TENM3: variants seen among roughly 807,000 people sequenced by gnomAD.
The protein encoded by TENM3 is teneurin transmembrane protein 3.
TENM3 carries 63 observed loss-of-function variants against 255.1 expected under a neutral mutation model. The observed-to-expected ratio is 0.25, with a 90% CI of 0.20 to 0.30. TENM3 has a LOEUF of 0.30. Among genes scored for constraint, TENM3 ranks in the 10% least tolerant of loss-of-function variants. The pLI, the probability that TENM3 is intolerant of heterozygous loss-of-function variation, is 1.00. For synonymous variants in TENM3, 1,306 were observed against 1,322.3 expected, an observed-to-expected ratio of 0.99 and a Z score of 0.27; for missense variants, 2,929 against 3,461.1, an observed-to-expected ratio of 0.85 and a Z score of 3.86.
At chr4:181,819,074 G>T in the TENM3 span, among the ~76,000 whole-genome samples, 1 of 152,084 alleles carries the variant, frequency 6.6e-6, no homozygotes, top group Non-Finnish European at 1.5e-5. Flanking sequence ...GCCCATGAAG[G>T]TGAGCCCCGA....
chr4:182,744,050 A>G (rs1277281135), intron 19 of TENM3: 6 of 754,566 alleles, frequency 8.0e-6, no homozygotes, highest in African/African-American at 5.9e-5. Context: ...AAATCTCAGA[A>G]TTCAACTCAT....
At chr4:182,101,910 G>T in the TENM3 span, among the ~76,000 whole-genome samples, 1 of 152,000 alleles carries the variant, frequency 6.6e-6, no homozygotes, top group Non-Finnish European at 1.5e-5. Context: ...ATTATTTGTC[G>T]ATTAAAAATG....
At position 182,628,677 on chromosome 4, in the gene TENM3, G is replaced by A; in HGVS notation, c.776G>A (p.Gly259Asp). 7.5e-6 allele frequency: 12 copies of A among 1,597,436 alleles called. No homozygotes were observed. Among genetic ancestry groups the A allele is most frequent in the Non-Finnish European group, 1.0e-5 (12 of 1,171,214 alleles). The change falls in exon 5 of 28, where the codon GGT becomes GAT. Residue 259 changes from glycine to aspartate, a missense_variant. Physicochemically the swap from Gly to Asp is moderately conservative, Grantham distance 94. Transcript: ENST00000511685. ...CATTTCCTATTCAAAACAGGAACAG[G>A]TACAACGCCACTGTTCAGTACTGCA... ...SRHFLFKTGT[G>D]TTPLFSTATP...
At chr4:181,746,939 A>G in the TENM3 span, among the ~76,000 whole-genome samples, 1 of 152,012 alleles carries the variant, frequency 6.6e-6, no homozygotes, top group East Asian at 1.9e-4. Context: ...CCCTTTGGTC[A>G]TTTCCAATTA....
At chr4:181,543,579 A>T in the TENM3 span, among the ~76,000 whole-genome samples, 2 of 152,160 alleles carry the variant, frequency 1.3e-5, no homozygotes, top group African/African-American at 4.8e-5. Context: ...TGACAATATT[A>T]ATCCACAACC....
At chr4:181,522,547 G>A in the TENM3 span, 1 of 345,950 alleles carries the variant, frequency 2.9e-6, no homozygotes, top group Non-Finnish European at 5.4e-6. Context: ...GATATTTCTT[G>A]TAGCATTGAA....
At chr4:181,631,173 G>A in the TENM3 span, among the ~76,000 whole-genome samples, 1 of 152,204 alleles carries the variant, frequency 6.6e-6, no homozygotes, top group African/African-American at 2.4e-5. Flanking sequence ...CCAGCATCCT[G>A]ATGTCTGTTA....
chr4:181,505,671 T>G, the TENM3 span, among the ~76,000 whole-genome samples: 1 of 152,120 alleles, frequency 6.6e-6, no homozygotes, highest in African/African-American at 2.4e-5. Flanking sequence ...CTCAGAAAAC[T>G]AAAAGAACCA....
the TENM3 span, among the ~76,000 whole-genome samples, chr4:181,817,310 T>C: frequency 1.3e-5 from 2 of 152,160 alleles, no homozygotes; most frequent in Non-Finnish European, 2.9e-5. Context: ...TTATAGGAAG[T>C]TTCCTCAGTA....
chr4:182,552,974 C>G (rs1742200691), intron 3 of TENM3, among the ~76,000 whole-genome samples: 1 of 152,194 alleles, frequency 6.6e-6, no homozygotes. Context: ...AGCGAGCCAA[C>G]ACTTGGTTCC....
At chr4:181,578,909 C>A in the TENM3 span, among the ~76,000 whole-genome samples, 3 of 152,170 alleles carry the variant, frequency 2.0e-5, no homozygotes, top group East Asian at 1.9e-4. Flanking sequence ...AATTTCAATA[C>A]AAACATTTTT....
chr4:181,698,904 C>G, the TENM3 span, among the ~76,000 whole-genome samples: 2 of 152,094 alleles, frequency 1.3e-5, no homozygotes, highest in Admixed American at 6.5e-5. Context: ...GTCATAGATA[C>G]TAACATGATT....
chr4:181,511,004 T>G, the TENM3 span, among the ~76,000 whole-genome samples: 1 of 152,170 alleles, frequency 6.6e-6, no homozygotes, highest in Non-Finnish European at 1.5e-5. Context: ...GAAATACACA[T>G]TTACTTTGGG....
rs1187355218 is a variant in TENM3, at chr4:182,800,139, G to A, written c.7888G>A (p.Ala2630Thr). Residue 2630 changes from alanine to threonine, a missense_variant, in exon 28 of 28, where the codon GCC (alanine) becomes ACC (threonine). By Grantham distance (58) the Ala-to-Thr change is moderately conservative (BLOSUM62 0). This residue lies in a region of TENM3 where 476 missense variants were observed against 480.1 expected (regional missense o/e 0.99). Transcript: ENST00000511685. The stretch of plus-strand genomic sequence containing the variant: ...GGAGCAGGCGCGGCAGCGCGCGCTC[G>A]CCCGGGCCTGGGCGCGCGAGCAGCA... ...ILEQARQRALARAWAREQQRV... is the reference protein window; with the variant it reads ...ILEQARQRALTRAWAREQQRV... 1.4e-6 allele frequency: 2 copies of A among 1,453,112 alleles called. No homozygotes were observed. The highest frequency in any genetic ancestry group is 3.0e-5 in the Admixed American group (1 of 33,120). The allele number at this position is 1,453,112 out of a possible 1,614,324, so 90.0% of individuals were successfully genotyped here.
At chr4:182,513,372 A>T (rs1737604058) in intron 3 of TENM3, among the ~76,000 whole-genome samples, 1 of 152,202 alleles carries the variant, frequency 6.6e-6, no homozygotes, top group Admixed American at 6.5e-5. Flanking sequence ...ATACATAGAA[A>T]ATGGAAAACA....
Position 182,673,125 on chromosome 4 carries a change from A to G in TENM3, c.1232A>G (p.Asp411Gly), listed in dbSNP as rs566460672. The change falls in exon 7 of 28, where the codon GAT becomes GGT. Residue 411 changes from aspartate to glycine, a missense_variant. Asp to Gly is a moderately conservative substitution (Grantham distance 94). Transcript: ENST00000511685. Reference protein sequence around the residue: ...GIFWRSQLFIDQPQFLKFNIS... With the variant: ...GIFWRSQLFIGQPQFLKFNIS... ...TTCTGGAGATCACAGCTCTTCATTG[A>G]TCAGCCACAGTTTCTTAAATTCAAT... The G allele has an allele frequency of 1.4e-5, 23 of 1,613,704 alleles. No homozygotes were observed. In the East Asian group the frequency reaches 4.5e-4, roughly 31 times the overall value.
At chr4:181,689,552 G>A in the TENM3 span, among the ~76,000 whole-genome samples, 2 of 152,098 alleles carry the variant, frequency 1.3e-5, no homozygotes, top group Non-Finnish European at 2.9e-5. Context: ...GTAGGGTTGC[G>A]GGGAGCAGAT....
chr4:182,384,173 G>A (rs1336373884), intron 3 of TENM3, among the ~76,000 whole-genome samples: 1 of 152,116 alleles, frequency 6.6e-6, no homozygotes, highest in African/African-American at 2.4e-5. Context: ...CTGTGAAGCC[G>A]ACTTTTTCAA....
chr4:181,888,536 G>GTATATATATATGTATA, the TENM3 span, among the ~76,000 whole-genome samples: 2 of 69,792 alleles, frequency 2.9e-5, no homozygotes, highest in Non-Finnish European at 5.4e-5. Flanking sequence ...ACATATATGT[G>GTATATATATATGTATA]TATATATATA....
Sources: gnomAD v4.1 joint callset for allele counts (sites outside exome capture counted in the v4.1 genomes callset) on GRCh38, gnomAD v4.1.1 for gene constraint, gnomAD v4.1.1 regional missense constraint, MANE v1.5 for transcripts, NCBI Gene and HGNC (gene_info 2026-07-23, HGNC 2026-07-21) for gene names.